The following QRICH1 variants were observed in gnomAD, a reference collection of about 807,000 sequenced individuals.
The protein encoded by QRICH1 is transcriptional regulator QRICH1.
A neutral mutation model predicts 87.1 loss-of-function variants in QRICH1; 16 were observed. That is an observed-to-expected ratio of 0.18 (90% confidence interval 0.12 to 0.28). QRICH1 has a LOEUF of 0.28. Ranked by LOEUF, QRICH1 falls within the 10% of genes least tolerant of loss-of-function variation. QRICH1 has a pLI of 1.00. For missense variants in QRICH1, 647 were observed against 951.7 expected, an observed-to-expected ratio of 0.68 and a Z score of 4.21; for synonymous variants, 367 against 368.4, an observed-to-expected ratio of 1.00 and a Z score of 0.05.
At chr3:49,076,641 C>T in intron 2 of QRICH1, 68 bp downstream of exon 2, 2 of 1,345,782 alleles carry the variant, frequency 1.5e-6, no homozygotes, top group Admixed American at 2.6e-5. Context: ...GTGATGAGCC[C>T]ACTAACTAAA....
chr3:49,065,115 T>C (rs971596465), intron 2 of QRICH1, among the ~76,000 whole-genome samples: 1 of 152,082 alleles, frequency 6.6e-6, no homozygotes, highest in African/African-American at 2.4e-5. Context: ...AAGAATTGCA[T>C]TGTTTTACAT....
At chr3:49,075,546 GC>G (rs1180612102) in intron 2 of QRICH1, among the ~76,000 whole-genome samples, 4 of 152,030 alleles carry the variant, frequency 2.6e-5, no homozygotes. Context: ...TAGGAGAATC[GC>G]TTGAACCCAA....
chr3:49,032,895 G>T, intron 7 of QRICH1, 122 bp from the exon 8 acceptor site: 1 of 1,261,254 alleles, frequency 7.9e-7, no homozygotes, highest in South Asian at 1.5e-5. Flanking sequence ...GGGCAGGCCC[G>T]TACCCAAGCA....
intron 6 of QRICH1, among the ~76,000 whole-genome samples, chr3:49,037,321 T>C (rs887296498): frequency 2.6e-5 from 4 of 152,156 alleles, no homozygotes; most frequent in South Asian, 2.1e-4. Flanking sequence ...AAAAAGAACA[T>C]GTTAAACTAC....
intron 3 of QRICH1, among the ~76,000 whole-genome samples, chr3:49,055,804 G>A (rs944156207): frequency 6.6e-6 from 1 of 151,292 alleles, no homozygotes; most frequent in African/African-American, 2.4e-5. Flanking sequence ...TCCTGAGTAG[G>A]ATTACCTGGG....
intron 6 of QRICH1, among the ~76,000 whole-genome samples, chr3:49,034,848 T>C (rs1236506247): frequency 1.3e-5 from 2 of 152,164 alleles, no homozygotes; most frequent in Admixed American, 1.3e-4. Context: ...CATAATGAGA[T>C]AGGAGCAGGC....
At chr3:49,056,798 G>C (rs1423004829) in intron 3 of QRICH1, 64 bp downstream of exon 3, 17 of 1,610,914 alleles carry the variant, frequency 1.1e-5, no homozygotes, top group Non-Finnish European at 1.3e-5. Flanking sequence ...TGCGAGGCAA[G>C]CTCTGTGCTG....
chr3:49,094,272 C>T (rs2042339121), upstream of QRICH1: 2 of 375,540 alleles, frequency 5.3e-6, no homozygotes, highest in East Asian at 3.8e-5. Flanking sequence ...GGAGCTAGGG[C>T]CGTGGCTTGG....
chr3:49,029,913 C>T lies in QRICH1; in HGVS notation c.*539G>A, dbSNP rs2093223534. On this transcript the variant is annotated 3_prime_UTR_variant, in exon 10 of 10. Transcript: ENST00000395443. ...TTTTACTTTTACATCTAAAATGTCACTTGTCATAAAGGAGGGTGTAATAGA... is the reference window on the plus strand; with the variant it reads ...TTTTACTTTTACATCTAAAATGTCATTTGTCATAAAGGAGGGTGTAATAGA... The T allele has an allele frequency of 5.9e-6, 1 of 170,460 alleles. No homozygotes were observed. Among genetic ancestry groups the T allele is most frequent in the Non-Finnish European group, 1.3e-5 (1 of 78,818 alleles). The allele number at this position is 170,460 out of a possible 1,614,324, so 10.6% of individuals were successfully genotyped here.
rs1406104969 is a variant in QRICH1 at position 49,044,511 on chromosome 3, G to GAAAAAC, written c.1672-13_1672-8dup. ...TTCCATTTTCAAAAAGATACTAAAAGAAAAACAATTAATAGAAGTTATTGG... is the reference window on the plus strand; with the variant it reads ...TTCCATTTTCAAAAAGATACTAAAAGAAAAACAAAAACAATTAATAGAAGTTATTGG... On this transcript the variant is annotated splice_region_variant and splice_polypyrimidine_tract_variant and intron_variant, in intron 5 of 9. Transcript: ENST00000395443. 4 of 1,569,184 alleles carry GAAAAAC rather than the reference G, an allele frequency of 2.5e-6. No individual in the cohort carries two copies. In the African/African-American group the frequency reaches 5.4e-5, roughly 21 times the overall value.
intron 9 of QRICH1, among the ~76,000 whole-genome samples, chr3:49,031,688 T>C (rs769363239): frequency 6.6e-6 from 1 of 152,198 alleles, no homozygotes; most frequent in Non-Finnish European, 1.5e-5. Flanking sequence ...TATGATGTCC[T>C]TGAGTGGAGA....
intron 2 of QRICH1, among the ~76,000 whole-genome samples, chr3:49,061,806 G>T (rs2093436741): frequency 6.6e-6 from 1 of 152,048 alleles, no homozygotes. Context: ...AGCCGAGATT[G>T]CACCACTGCA....
intron 1 of QRICH1, among the ~76,000 whole-genome samples, chr3:49,085,120 G>A (rs2042143709): frequency 6.6e-6 from 1 of 151,984 alleles, no homozygotes; most frequent in South Asian, 2.1e-4. Flanking sequence ...TCCAGCCTGG[G>A]CGACAGAGCA....
chr3:49,037,913 T>C (rs1160103308), intron 6 of QRICH1, among the ~76,000 whole-genome samples: 1 of 151,964 alleles, frequency 6.6e-6, no homozygotes, highest in African/African-American at 2.4e-5. Flanking sequence ...GAGGCGGAAG[T>C]TGCAGTGAGC....
chr3:49,058,961 CT>C (rs1160675425), intron 2 of QRICH1, among the ~76,000 whole-genome samples: 9,235 of 119,156 alleles, frequency 0.078, 242 homozygotes, highest in Middle Eastern at 0.14. Context: ...GAGTTTCACT[CT>C]TTTTTTTTTT....
rs752324966 is a variant in QRICH1, at chr3:49,057,167, A to G, written c.1033T>C (p.Ser345Pro). ...EAYNAVHVSG[S>P]PTALAAVKLE... ...TTAACAGCTGCCAGGGCTGTGGGTG[A>G]GCCACTGACGTGAACTGCGTTGTAG... The change falls in exon 3 of 10, where the codon TCA becomes CCA. Residue 345 changes from serine (S) to proline (P), a missense_variant. Physicochemically the swap from Ser to Pro is moderately conservative, Grantham distance 74. Transcript: ENST00000395443. This position sits in a 1 kb window ranked among gnomAD's most constrained non-coding sequence, Gnocchi z 5.4. 1 of 1,614,214 alleles carries G rather than the reference A, an allele frequency of 6.2e-7. No individual in the cohort carries two copies. The highest frequency in any genetic ancestry group is 1.1e-5 in the South Asian group (1 of 91,088).
In QRICH1 at chr3:49,030,383, C is replaced by G; in HGVS notation, c.*69G>C. ...AAAAAAGAAAAAAAAAAATGGAGGC[C>G]TCTTCTTTAGTGTGAAAGTCTGTCT... On this transcript the variant is annotated 3_prime_UTR_variant, in exon 10 of 10. Coordinates refer to ENST00000395443, the MANE Select transcript of QRICH1 (RefSeq NM_198880.3). 6.9e-7 allele frequency: 1 copy of G among 1,456,108 alleles called. No individual in the cohort carries two copies. Among genetic ancestry groups the G allele is most frequent in the Non-Finnish European group, 9.4e-7 (1 of 1,069,282 alleles). The allele number at this position is 1,456,108 out of a possible 1,614,324, so 90.2% of individuals were successfully genotyped here. A position where few individuals can be genotyped will look rare whatever the true frequency, so the allele number is the denominator to read the frequency against.
At chr3:49,039,471 A>G (rs937367316) in intron 6 of QRICH1, among the ~76,000 whole-genome samples, 1 of 151,960 alleles carries the variant, frequency 6.6e-6, no homozygotes, top group African/African-American at 2.4e-5. Context: ...ACTTGAGGCC[A>G]GAAGTTTGAG....
chr3:49,056,556 C>T (rs1008820020), intron 3 of QRICH1, among the ~76,000 whole-genome samples: 7 of 152,216 alleles, frequency 4.6e-5, no homozygotes, highest in Non-Finnish European at 8.8e-5. Flanking sequence ...CATTCATCTA[C>T]ACCTGTAACT....
Sources: allele counts gnomAD v4.1 joint callset (sites outside exome capture counted in the v4.1 genomes callset), GRCh38; gene constraint gnomAD v4.1.1; non-coding constraint Gnocchi (gnomAD v3.1); transcripts MANE v1.5; gene names NCBI Gene and HGNC (gene_info 2026-07-23, HGNC 2026-07-21).